WNK2: variants seen among roughly 807,000 people sequenced by gnomAD.
WNK2 encodes the protein WNK lysine deficient protein kinase 2.
In WNK2, 67 loss-of-function variants were observed where a neutral mutation model predicts 192.1. The ratio of observed to expected loss-of-function variants is 0.35; its 90% CI spans 0.29 to 0.43. WNK2 has a LOEUF of 0.43. Among genes scored for constraint, WNK2 ranks in the 20% least tolerant of loss-of-function variants. The pLI is 1.00. For missense variants in WNK2, 2,698 were observed against 3,089.7 expected, an observed-to-expected ratio of 0.87 and a Z score of 3.01; for synonymous variants, 1,439 against 1,393.9, an observed-to-expected ratio of 1.03 and a Z score of -0.72.
intron 2 of WNK2, among the ~76,000 whole-genome samples, chr9:93,222,235 C>G (rs1023114976): frequency 6.6e-6 from 1 of 152,118 alleles, no homozygotes; most frequent in Non-Finnish European, 1.5e-5. Flanking sequence ...GTGGCAGGAT[C>G]TTGGCTCAGC....
intron 28 of WNK2, among the ~76,000 whole-genome samples, chr9:93,312,568 C>T (rs1460638811): frequency 1.3e-5 from 2 of 151,972 alleles, no homozygotes; most frequent in Non-Finnish European, 2.9e-5. Context: ...TTAGTAGAGA[C>T]GAGATTTCAC....
Position 93,239,849 on chromosome 9 carries a change from C to T in WNK2, c.1415C>T (p.Ser472Phe). The change falls in exon 7 of 30, where the codon TCC becomes TTC. Residue 472 changes from serine (S) to phenylalanine (F), a missense_variant. Ser to Phe is a radical substitution (Grantham distance 155). Coordinates refer to ENST00000427277, the MANE Select transcript of WNK2 (RefSeq NM_006648.4). The surrounding 1 kb of genome is among the most constrained non-coding windows in gnomAD (Gnocchi z 4.2). The stretch of plus-strand genomic sequence containing the variant: ...GCGGAGGAGGACCACGGCAGGAAGT[C>T]CACCATCGCCCTGAGGCTCTGGGTG... ...ELAEEDHGRK[S>F]TIALRLWVED... 6.3e-7 allele frequency: 1 copy of T among 1,598,874 alleles called. No individual in the cohort carries two copies. The highest frequency in any genetic ancestry group is 8.5e-7 in the Non-Finnish European group (1 of 1,173,290).
chr9:93,245,705 T>C (rs1430878521), intron 7 of WNK2, among the ~76,000 whole-genome samples: 2 of 152,374 alleles, frequency 1.3e-5, no homozygotes, highest in East Asian at 3.9e-4. Context: ...TGTGGCCTCA[T>C]GGTTTTCTGT....
At chr9:93,231,949 G>T (rs1838889667) in intron 4 of WNK2, among the ~76,000 whole-genome samples, 1 of 152,192 alleles carries the variant, frequency 6.6e-6, no homozygotes, top group South Asian at 2.1e-4. Flanking sequence ...TGCCTGGGTG[G>T]CTGTGGAGCA....
intron 28 of WNK2, among the ~76,000 whole-genome samples, chr9:93,311,640 T>TGTGTGTGTGTGTG (rs1554755231): frequency 2.6e-5 from 4 of 151,640 alleles, no homozygotes; most frequent in Admixed American, 1.3e-4. Flanking sequence ...TGTGTGTGTG[T>TGTGTGTGTGTGTG]TTTGAGACGG....
In WNK2 at chr9:93,308,604, G is replaced by T; in HGVS notation, c.6516+20G>T. The T allele has an allele frequency of 9.8e-7, 1 of 1,023,788 alleles. No homozygotes were observed. Among genetic ancestry groups the T allele is most frequent in the South Asian group, 1.4e-5 (1 of 72,178 alleles). The allele number at this position is 1,023,788 out of a possible 1,614,324, so 63.4% of individuals were successfully genotyped here. On this transcript the variant is annotated intron_variant, in intron 28 of 29. Transcript: ENST00000427277. ...CGGGCTGTGAGTGCGGGGCGGGTGG[G>T]GCGGGTGCTCCTGGGGTGGGGTAGC...
intron 7 of WNK2, 45 bp downstream of exon 7, chr9:93,240,021 G>A (rs1218611272): frequency 1.9e-6 from 3 of 1,566,920 alleles, no homozygotes; most frequent in Non-Finnish European, 2.6e-6. Flanking sequence ...GGTGTTGGCA[G>A]CTCGTGGTTT....
rs1047178766 is a variant in WNK2 at position 93,308,781 on chromosome 9, C to T, written c.6516+197C>T. 3.7e-5 allele frequency: 53 copies of T among 1,423,054 alleles called. 1 individual carries two copies. In the Admixed American group the frequency reaches 6.1e-4, roughly 16 times the overall value. 88.2% of individuals were successfully genotyped at this position (1,423,054 alleles called of 1,614,324 possible). On this transcript the variant is annotated intron_variant, in intron 28 of 29. Transcript: ENST00000427277. ...GAGGTGAGCGACGCACCCACAGCTCCGCAGCTGGCAGGTGGAAAGGACAGG... is the reference window on the plus strand; with the variant it reads ...GAGGTGAGCGACGCACCCACAGCTCTGCAGCTGGCAGGTGGAAAGGACAGG...
At chr9:93,236,045 C>G (rs1007594306) in intron 5 of WNK2, among the ~76,000 whole-genome samples, 1 of 152,202 alleles carries the variant, frequency 6.6e-6, no homozygotes, top group Non-Finnish European at 1.5e-5. Context: ...TCAGAAACTT[C>G]ACAGACAGGT....
At chr9:93,185,632 G>T (rs1564249123) in intron 2 of WNK2, 22 bp downstream of exon 2, 1 of 1,598,036 alleles carries the variant, frequency 6.3e-7, no homozygotes, top group East Asian at 2.3e-5. Flanking sequence ...CCAGCCCGCA[G>T]GGGGCTTTCC....
At chr9:93,293,896 A>G (rs1245371231) in intron 23 of WNK2, among the ~76,000 whole-genome samples, 3 of 149,662 alleles carry the variant, frequency 2.0e-5, no homozygotes, top group Non-Finnish European at 3.0e-5. Flanking sequence ...TGTTTCTGGC[A>G]CACTCTCTCT....
At chr9:93,300,406 G>T in intron 26 of WNK2, 1 of 369,268 alleles carries the variant, frequency 2.7e-6, no homozygotes. Flanking sequence ...ATGTGCAGCG[G>T]CTGGCCTGCC....
At position 93,239,731 on chromosome 9, in the gene WNK2, C is replaced by G; in HGVS notation, c.1323-26C>G. ...CATGGAGGCCCTGGCGCCCGTGCCC[C>G]TGCCTGTCAGCTGCTCTCCCTCCAG... On this transcript the variant is annotated intron_variant, in intron 6 of 29. Transcript: ENST00000427277. The surrounding 1 kb of genome is among the most constrained non-coding windows in gnomAD (Gnocchi z 4.2). The G allele has an allele frequency of 6.5e-7, 1 of 1,539,550 alleles. No individual in the cohort carries two copies. The highest frequency in any genetic ancestry group is 8.8e-7 in the Non-Finnish European group (1 of 1,138,634).
At chr9:93,300,894 A>G (rs1564209792) in intron 26 of WNK2, among the ~76,000 whole-genome samples, 1 of 152,226 alleles carries the variant, frequency 6.6e-6, no homozygotes, top group Non-Finnish European at 1.5e-5. Context: ...CCACCTGGGC[A>G]GCTCTTCTTT....
intron 29 of WNK2, chr9:93,318,686 A>G (rs1358773600): frequency 2.7e-6 from 4 of 1,485,562 alleles, no homozygotes; most frequent in East Asian, 2.5e-5. Flanking sequence ...CATGATTTCC[A>G]TGGAGACCTG....
chr9:93,252,769 G>A, intron 8 of WNK2, 114 bp from the exon 9 acceptor site: 2 of 990,940 alleles, frequency 2.0e-6, no homozygotes, highest in Non-Finnish European at 2.8e-6. Context: ...GGTTATTTAT[G>A]TGATCTGGAG....
intron 2 of WNK2, among the ~76,000 whole-genome samples, chr9:93,215,481 T>C (rs1331583646): frequency 1.3e-5 from 2 of 152,240 alleles, no homozygotes; most frequent in Non-Finnish European, 2.9e-5. Context: ...TACACATAGG[T>C]TGGACCTTCC....
At chr9:93,209,028 C>T (rs556918905) in intron 2 of WNK2, among the ~76,000 whole-genome samples, 22 of 152,232 alleles carry the variant, frequency 1.4e-4, no homozygotes, top group African/African-American at 4.6e-4. Flanking sequence ...CCTTTATGAT[C>T]GGACCAAGAG....
At chr9:93,314,967 C>A (rs1432398652) in intron 28 of WNK2, among the ~76,000 whole-genome samples, 1 of 152,070 alleles carries the variant, frequency 6.6e-6, no homozygotes, top group African/African-American at 2.4e-5. Flanking sequence ...TTCCTTGTTA[C>A]CCCTCCAGAA....
Sources: gnomAD v4.1 joint callset for allele counts (sites outside exome capture counted in the v4.1 genomes callset) on GRCh38, gnomAD v4.1.1 for gene constraint, Gnocchi (gnomAD v3.1) non-coding constraint, MANE v1.5 for transcripts, NCBI Gene and HGNC (gene_info 2026-07-23, HGNC 2026-07-21) for gene names.